Variants in EPM2A observed in about 807,000 individuals in gnomAD.
EPM2A encodes the protein EPM2A glucan phosphatase, laforin, also known as laforin.
In EPM2A, 21 loss-of-function variants were observed where a neutral mutation model predicts 26.5. The observed-to-expected ratio is 0.79, with a 90% CI of 0.56 to 1.14. The LOEUF is 1.14. Ranked by LOEUF, EPM2A falls within the 50% of genes most tolerant of loss-of-function variation. The probability of loss-of-function intolerance (pLI) is 0.00; values close to 1 mark genes in which losing one functional copy is unlikely to be tolerated. For synonymous variants in EPM2A, 217 were observed against 177.6 expected (o/e 1.22, Z -1.76); for missense variants, 458 against 440.8 (o/e 1.04, Z -0.35).
chr6:145,683,268 GGT>G (rs35326843), intron 2 of EPM2A, among the ~76,000 whole-genome samples: 38,877 of 133,816 alleles, frequency 0.29, 5,684 homozygotes, highest in South Asian at 0.45. Context: ...CCCAGGATTT[GGT>G]GTGTGTGTGT....
At chr6:145,579,426 T>A (rs189165173) in intron 2 of EPM2A, among the ~76,000 whole-genome samples, 1 of 152,312 alleles carries the variant, frequency 6.6e-6, no homozygotes, top group Non-Finnish European at 1.5e-5. Context: ...TTGCCCCTGA[T>A]ATCATTATGT....
chr6:145,735,404 C>T lies in EPM2A; in HGVS notation c.95G>A (p.Trp32Ter). ...CAGGCGGACGGCACCGCGCGGCTCC[C>T]AACGCCCCAGCTCGGGCCGCGACCC... ...VVGSRPELGR[W>*]EPRGAVRLRP... The change falls in exon 1 of 4, where the codon TGG becomes TAG. Residue 32 changes from tryptophan (W) to a stop codon, truncating the protein, a stop_gained. Coordinates refer to ENST00000367519, the MANE Select transcript of EPM2A (RefSeq NM_005670.4). LOFTEE classifies it high-confidence loss of function. 1 of 1,243,770 alleles carries T rather than the reference C, an allele frequency of 8.0e-7. No homozygotes were observed. Among genetic ancestry groups the T allele is most frequent in the Non-Finnish European group, 1.0e-6 (1 of 990,902 alleles). 77.0% of individuals were successfully genotyped at this position (1,243,770 alleles called of 1,614,324 possible). A position where few individuals can be genotyped will look rare whatever the true frequency, so the allele number is the denominator to read the frequency against.
rs141035483 is a variant in EPM2A at position 145,610,364 on chromosome 6, G to A, written c.340+24881C>T. ...TTCTTAAAAGAAGTCAAAAGCTACCGCTCTAAAACTCCTAACCATGAATCT... is the reference window on the plus strand; with the variant it reads ...TTCTTAAAAGAAGTCAAAAGCTACCACTCTAAAACTCCTAACCATGAATCT... On this transcript the variant is annotated intron_variant, in intron 2 of 3. Transcript: ENST00000450221. 4.3e-3 allele frequency among the ~76,000 whole-genome samples: 656 copies of A among 152,220 alleles called. 6 individuals carry two copies. The highest frequency in any genetic ancestry group is 0.014 in the African/African-American group (565 of 41,548).
At chr6:145,511,646 C>T (rs1161311008) in intron 2 of EPM2A, among the ~76,000 whole-genome samples, 2 of 152,138 alleles carry the variant, frequency 1.3e-5, no homozygotes, top group African/African-American at 4.8e-5. Context: ...TAACATAATA[C>T]TGAATGGGGA....
chr6:145,506,843 C>T (rs1309462056), intron 2 of EPM2A, among the ~76,000 whole-genome samples: 1 of 152,076 alleles, frequency 6.6e-6, no homozygotes, highest in Non-Finnish European at 1.5e-5. Flanking sequence ...TCAGACTGGC[C>T]CACTCTTCAG....
intron 1 of EPM2A, among the ~76,000 whole-genome samples, chr6:145,713,465 G>T (rs1158659399): frequency 1.3e-5 from 2 of 152,034 alleles, no homozygotes; most frequent in Non-Finnish European, 2.9e-5. Flanking sequence ...CTTCCATATT[G>T]ACATAAAGCC....
chr6:145,588,070 CAA>C (rs1181370649), intron 2 of EPM2A, among the ~76,000 whole-genome samples: 1 of 152,072 alleles, frequency 6.6e-6, no homozygotes, highest in African/African-American at 2.4e-5. Context: ...CAATGAACAC[CAA>C]AAACCTCAGA....
chr6:145,554,874 T>C (rs573292428), intron 2 of EPM2A, among the ~76,000 whole-genome samples: 20 of 152,250 alleles, frequency 1.3e-4, no homozygotes, highest in African/African-American at 4.8e-4. Context: ...TGTTGGAAAC[T>C]GATTGTGCAG....
chr6:145,494,313 T>G (rs1779791224), intron 4 of EPM2A, among the ~76,000 whole-genome samples: 1 of 152,208 alleles, frequency 6.6e-6, no homozygotes, highest in Non-Finnish European at 1.5e-5. Flanking sequence ...GGTATTTCTG[T>G]GGGTTCAGTG....
At chr6:145,669,352 A>G (rs1026043300) in intron 2 of EPM2A, among the ~76,000 whole-genome samples, 1 of 152,222 alleles carries the variant, frequency 6.6e-6, no homozygotes, top group Non-Finnish European at 1.5e-5. Context: ...TTTTTAACTG[A>G]ACCTTCTTCC....
At chr6:145,443,884 G>C (rs1779098640) in intron 4 of EPM2A, among the ~76,000 whole-genome samples, 1 of 152,056 alleles carries the variant, frequency 6.6e-6, no homozygotes, top group South Asian at 2.1e-4. Context: ...TTACCTTTTT[G>C]CCTGCCTCCA....
At chr6:145,724,670 AACTGAATAGAGAGC>A (rs1226196280) in intron 1 of EPM2A, among the ~76,000 whole-genome samples, 1 of 152,114 alleles carries the variant, frequency 6.6e-6, no homozygotes, top group Non-Finnish European at 1.5e-5. Context: ...AGACATATAG[AACTGAATAGAGAGC>A]ACAGAAATGG....
intron 2 of EPM2A, among the ~76,000 whole-genome samples, chr6:145,619,844 C>G (rs992249306): frequency 1.3e-5 from 2 of 151,942 alleles, no homozygotes; most frequent in African/African-American, 4.8e-5. Context: ...TAAAGTTCTC[C>G]GTTGTAAGGA....
intron 2 of EPM2A, among the ~76,000 whole-genome samples, chr6:145,557,128 G>A (rs983847209): frequency 4.6e-5 from 7 of 152,018 alleles, no homozygotes; most frequent in Admixed American, 6.6e-5. Context: ...TCATATCTTC[G>A]CAAGAGTGTT....
rs903297097 is a variant in EPM2A at position 145,667,618 on chromosome 6, G to T, written c.476+18504C>A. 7.2e-4 allele frequency among the ~76,000 whole-genome samples: 108 copies of T among 151,040 alleles called. 1 individual carries two copies. Among genetic ancestry groups the T allele is most frequent in the African/African-American group, 2.5e-3 (102 of 40,542 alleles). ...GAAGTCAGTGTGGCGATTCCTCAGGGATCTAGAACTAGAAATACCATTTGA... is the reference window on the plus strand; with the variant it reads ...GAAGTCAGTGTGGCGATTCCTCAGGTATCTAGAACTAGAAATACCATTTGA... On this transcript the variant is annotated intron_variant, in intron 2 of 3. Coordinates refer to ENST00000367519, the MANE Select transcript of EPM2A (RefSeq NM_005670.4).
intron 1 of EPM2A, among the ~76,000 whole-genome samples, chr6:145,701,382 T>G (rs1781902235): frequency 6.6e-6 from 1 of 152,210 alleles, no homozygotes; most frequent in South Asian, 2.1e-4. Context: ...CATGCTGACT[T>G]TTGTCAAGCT....
At position 145,618,577 on chromosome 6, in the gene EPM2A, C is replaced by T. The variant is rs554515873; in HGVS notation, c.340+16668G>A. ...TCTCATGAGATCTGATGGTTTGATA[C>T]AAGGCTTTTCCCCCTTTTGCTCAGC... On this transcript the variant is annotated intron_variant, in intron 2 of 3. Transcript: ENST00000450221. Among the ~76,000 whole-genome samples, 14 of 152,278 alleles carry T rather than the reference C, an allele frequency of 9.2e-5. No homozygotes were observed. In the South Asian group the frequency reaches 2.7e-3, roughly 29 times the overall value.
chr6:145,563,947 C>A (rs1178934365), intron 2 of EPM2A, among the ~76,000 whole-genome samples: 2 of 152,122 alleles, frequency 1.3e-5, no homozygotes, highest in Non-Finnish European at 2.9e-5. Context: ...CCCAAGGATA[C>A]CAAGATCTGT....
At chr6:145,469,740 T>C (rs968249923) in intron 4 of EPM2A, among the ~76,000 whole-genome samples, 1 of 152,168 alleles carries the variant, frequency 6.6e-6, no homozygotes, top group Non-Finnish European at 1.5e-5. Flanking sequence ...TGCAGCACTA[T>C]TCACAATAAC....
Sources: gnomAD v4.1 joint callset for allele counts (sites outside exome capture counted in the v4.1 genomes callset) on GRCh38, gnomAD v4.1.1 for gene constraint, MANE v1.5 for transcripts, NCBI Gene and HGNC (gene_info 2026-07-23, HGNC 2026-07-21) for gene names.